The following NINJ2 variants were observed in gnomAD, a reference collection of about 807,000 sequenced individuals.
NINJ2 encodes ninjurin-2.
A neutral mutation model predicts 11.7 loss-of-function variants in NINJ2; 12 were observed. The ratio of observed to expected loss-of-function variants is 1.02; its 90% CI spans 0.66 to 1.66. The LOEUF is 1.66. NINJ2 is among the 40% of genes most tolerant of loss of function. The pLI, the probability that NINJ2 is intolerant of heterozygous loss-of-function variation, is 0.00. For synonymous variants in NINJ2, 93 were observed against 76.8 expected (o/e 1.21, Z -1.10); for missense variants, 187 against 181.8 (o/e 1.03, Z -0.16).
chr12:663,349 T>A lies in NINJ2; in HGVS notation c.12A>T (p.Ala4=), dbSNP rs1937984869. 3.7e-6 allele frequency: 6 copies of A among 1,614,102 alleles called. No homozygotes were observed. Among genetic ancestry groups the A allele is most frequent in the Non-Finnish European group, 5.1e-6 (6 of 1,180,046 alleles). The change falls in exon 1 of 4, where the codon GCA becomes GCT. Residue 4 remains alanine, a synonymous_variant. Coordinates refer to ENST00000305108, the MANE Select transcript of NINJ2 (RefSeq NM_016533.6). Reference sequence around the variant, plus strand: ...TTACTTGAAGGTCGATGTTTTCTCTTGCTGATTCCATCTCGCTGCCCTCAA... The same window carrying A: ...TTACTTGAAGGTCGATGTTTTCTCTAGCTGATTCCATCTCGCTGCCCTCAA... MES[A]RENIDLQPGS... is the part of the protein sequence containing the mutation.
intron 1 of NINJ2, among the ~76,000 whole-genome samples, chr12:573,425 G>C (rs530752674): frequency 6.6e-6 from 1 of 152,108 alleles, no homozygotes; most frequent in Non-Finnish European, 1.5e-5. Flanking sequence ...AACACGTGCA[G>C]TCTGGCTGGG....
rs117145153 is a variant in NINJ2 at position 576,229 on chromosome 12, A to G, written c.34-10051T>C. ...CCTAAAGCTGCAGCACCGAGAGGCC[A>G]CGTGGGGCGAGGCCTCCCCGGAAGG... is the stretch of plus-strand genomic sequence containing the variant. On this transcript the variant is annotated intron_variant, in intron 1 of 3. Transcript: ENST00000305108. Among the ~76,000 whole-genome samples, 568 of 152,250 alleles carry G rather than the reference A, an allele frequency of 3.7e-3. 26 individuals are homozygous for G. In the East Asian group the frequency reaches 0.087, roughly 23 times the overall value.
Position 578,154 on chromosome 12 carries a change from C to T in NINJ2, c.34-11976G>A, listed in dbSNP as rs554964794. 7.9e-5 allele frequency among the ~76,000 whole-genome samples: 12 copies of T among 152,268 alleles called. No individual in the cohort carries two copies. In the East Asian group the frequency reaches 9.7e-4, roughly 12 times the overall value. On this transcript the variant is annotated intron_variant, in intron 1 of 3. Transcript: ENST00000305108. ...TACCGGTGCATGCAGCCCCCGGTCACGTACCCCCTGATTACTCAATCAATC... is the reference window on the plus strand; with the variant it reads ...TACCGGTGCATGCAGCCCCCGGTCATGTACCCCCTGATTACTCAATCAATC...
chr12:587,617 G>C (rs751184971), intron 1 of NINJ2, among the ~76,000 whole-genome samples: 27 of 152,132 alleles, frequency 1.8e-4, no homozygotes, highest in Admixed American at 4.6e-4. Flanking sequence ...CTTGTGGTCT[G>C]GCCTCTGACC....
intron 1 of NINJ2, among the ~76,000 whole-genome samples, chr12:634,274 T>TTTTTTTTTTTTTG (rs1948319035): frequency 8.5e-6 from 1 of 117,814 alleles, no homozygotes; most frequent in African/African-American, 3.6e-5. Context: ...TCTTTTTTTT[T>TTTTTTTTTTTTTG]TTTTTTTTTT....
At chr12:574,224 AAAAT>A (rs1169879155) in intron 1 of NINJ2, among the ~76,000 whole-genome samples, 2 of 152,176 alleles carry the variant, frequency 1.3e-5, no homozygotes, top group Admixed American at 6.5e-5. Flanking sequence ...CTCTGTCTCT[AAAAT>A]AAATAAATAA....
At chr12:629,916 T>TATATATATATATATATAC (rs147102413) in intron 1 of NINJ2, among the ~76,000 whole-genome samples, 153 of 72,942 alleles carry the variant, frequency 2.1e-3, no homozygotes, top group Non-Finnish European at 3.5e-3. Context: ...TATATATATA[T>TATATATATATATATATAC]ATATATGAAG....
chr12:650,416 T>G (rs1401691717), intron 1 of NINJ2, among the ~76,000 whole-genome samples: 1 of 152,200 alleles, frequency 6.6e-6, no homozygotes, highest in Non-Finnish European at 1.5e-5. Context: ...TTAAAATCTC[T>G]TGGCCAGGCG....
intron 1 of NINJ2, among the ~76,000 whole-genome samples, chr12:568,166 T>C (rs1028242821): frequency 1.6e-4 from 24 of 152,344 alleles, no homozygotes; most frequent in African/African-American, 5.8e-4. Flanking sequence ...ATTATATATA[T>C]AGTAAAATAT....
chr12:595,806 A>G lies in NINJ2; in HGVS notation c.34-29628T>C, dbSNP rs534526598. 2.0e-5 allele frequency among the ~76,000 whole-genome samples: 3 copies of G among 152,350 alleles called. No homozygotes were observed. The East Asian group carries it at 5.8e-4, about 29-fold the overall frequency. On this transcript the variant is annotated intron_variant, in intron 1 of 3. Transcript: ENST00000305108. ...AAGGACAGTTATTTAAAATATGTAAATTCTTAGACTTTTAAAATTCAACAA... is the reference window on the plus strand; with the variant it reads ...AAGGACAGTTATTTAAAATATGTAAGTTCTTAGACTTTTAAAATTCAACAA...
chr12:610,352 C>T (rs1421516375), intron 1 of NINJ2: 3 of 1,535,532 alleles, frequency 2.0e-6, no homozygotes, highest in Admixed American at 2.0e-5. Context: ...TTACCATATA[C>T]ATCATGACTC....
chr12:637,964 C>T (rs1232743311), intron 1 of NINJ2, among the ~76,000 whole-genome samples: 3 of 152,232 alleles, frequency 2.0e-5, no homozygotes, highest in Non-Finnish European at 4.4e-5. Flanking sequence ...AGGGAGTTCT[C>T]ATTCCAGCTC....
chr12:629,349 G>C (rs1221011361), intron 1 of NINJ2, among the ~76,000 whole-genome samples: 1 of 152,202 alleles, frequency 6.6e-6, no homozygotes, highest in Non-Finnish European at 1.5e-5. Context: ...TTTGCACCGA[G>C]GCAGTCTGGC....
chr12:661,215 A>T (rs1937953693), intron 1 of NINJ2, among the ~76,000 whole-genome samples: 1 of 152,076 alleles, frequency 6.6e-6, no homozygotes, highest in African/African-American at 2.4e-5. Context: ...AGTAGTGGGG[A>T]CTACAGGTGC....
intron 1 of NINJ2, among the ~76,000 whole-genome samples, chr12:609,973 G>T (rs1405961965): frequency 6.8e-6 from 1 of 146,428 alleles, no homozygotes; most frequent in East Asian, 2.0e-4. Context: ...AGACGAAGGA[G>T]AGAAATAATG....
At chr12:648,358 G>T (rs796297192) in intron 1 of NINJ2, among the ~76,000 whole-genome samples, 1 of 152,216 alleles carries the variant, frequency 6.6e-6, no homozygotes, top group Non-Finnish European at 1.5e-5. Flanking sequence ...GATTACAGGC[G>T]TGAGCCACTG....
At position 610,231 on chromosome 12, in the gene NINJ2, A is replaced by G. The variant is rs978232821; in HGVS notation, c.34-44053T>C. 5.9e-6 allele frequency: 5 copies of G among 849,246 alleles called. No individual in the cohort carries two copies. The Admixed American group carries it at 1.0e-4, about 17-fold the overall frequency. 52.6% of individuals were successfully genotyped at this position (849,246 alleles called of 1,614,324 possible). ...CAGACACCCAGCAGACACAGAATCA[A>G]TGCTTTTGCGTGAGTGAAACAGCCC... On this transcript the variant is annotated intron_variant, in intron 1 of 3. Transcript: ENST00000305108.
intron 1 of NINJ2, among the ~76,000 whole-genome samples, chr12:601,354 G>C (rs897144201): frequency 6.7e-6 from 1 of 149,342 alleles, no homozygotes; most frequent in Non-Finnish European, 1.5e-5. Flanking sequence ...AGACCATCCT[G>C]GCTAACACAG....
At chr12:644,872 G>A (rs1178104106) in intron 1 of NINJ2, 2 of 152,120 alleles carry the variant, frequency 1.3e-5, no homozygotes, top group Non-Finnish European at 2.9e-5. Context: ...CCAAGCCCTG[G>A]CCCCAGTGGG....
Sources: allele counts gnomAD v4.1 joint callset (sites outside exome capture counted in the v4.1 genomes callset), GRCh38; gene constraint gnomAD v4.1.1; transcripts MANE v1.5; gene names NCBI Gene and HGNC (gene_info 2026-07-23, HGNC 2026-07-21).